GAS2: variants seen among roughly 807,000 people sequenced by gnomAD.
The protein encoded by GAS2 is growth arrest-specific protein 2.
GAS2 carries 20 observed loss-of-function variants against 37.5 expected under a neutral mutation model. The observed-to-expected ratio is 0.53, with a 90% confidence interval of 0.37 to 0.77. The LOEUF is 0.77. Ranked by LOEUF, GAS2 falls within the 30% of genes least tolerant of loss-of-function variation. The pLI is 0.00. For missense variants in GAS2, 336 were observed against 373.4 expected (o/e 0.90, Z 0.82); for synonymous variants, 144 against 132.2 (o/e 1.09, Z -0.61).
At chr11:22,793,548 A>C (rs1235995588) in intron 7 of GAS2, among the ~76,000 whole-genome samples, 1 of 152,178 alleles carries the variant, frequency 6.6e-6, no homozygotes, top group Non-Finnish European at 1.5e-5. Context: ...TATAGAGAAC[A>C]CAATGATGAA....
chr11:22,726,569 A>G, intron 4 of GAS2, 136 bp downstream of exon 4: 1 of 723,486 alleles, frequency 1.4e-6, no homozygotes, highest in Non-Finnish European at 2.3e-6. Context: ...GTTTGTTGAA[A>G]TCTTGCAGGT....
At chr11:22,708,081 T>C (rs149960349) in intron 3 of GAS2, among the ~76,000 whole-genome samples, 54 of 152,132 alleles carry the variant, frequency 3.5e-4, no homozygotes, top group Non-Finnish European at 5.6e-4. Context: ...ATGAGCTAGA[T>C]TGATGATTTA....
At chr11:22,753,972 TTTA>T (rs1853882331) in intron 6 of GAS2, among the ~76,000 whole-genome samples, 1 of 152,068 alleles carries the variant, frequency 6.6e-6, no homozygotes. Context: ...TATATCTTGT[TTTA>T]TTATCATCGT....
chr11:22,789,422 T>TATATAAATATATATATATAAATATATA (rs1564889813), intron 7 of GAS2, among the ~76,000 whole-genome samples: 13 of 42,850 alleles, frequency 3.0e-4, no homozygotes, highest in African/African-American at 1.3e-3. Context: ...GTATCTCATA[T>TATATAAATATATATATATAAATATATA]GAGATATATA....
intron 1 of GAS2, among the ~76,000 whole-genome samples, chr11:22,654,449 G>A (rs929031930): frequency 6.7e-6 from 1 of 149,726 alleles, no homozygotes; most frequent in African/African-American, 2.5e-5. Flanking sequence ...AGGCTGGACT[G>A]CAGTGGTGCA....
intron 7 of GAS2, among the ~76,000 whole-genome samples, chr11:22,763,178 A>G (rs1373054217): frequency 6.6e-6 from 1 of 152,212 alleles, no homozygotes; most frequent in Non-Finnish European, 1.5e-5. Flanking sequence ...ACAGATCAAT[A>G]GAAAGGTCAC....
rs148747617 is a variant in GAS2, at chr11:22,766,971, A to G, written c.723+11018A>G. 5.4e-3 allele frequency among the ~76,000 whole-genome samples: 830 copies of G among 152,320 alleles called. 8 individuals are homozygous for G. Among genetic ancestry groups the G allele is most frequent in the African/African-American group, 0.018 (763 of 41,574 alleles). On this transcript the variant is annotated intron_variant, in intron 7 of 7. Transcript: ENST00000454584. ...TAAACTAAACATATGACCAAGTGCA[A>G]ACTGAAAACGTTGGCATAGCAACTA...
intron 1 of GAS2, among the ~76,000 whole-genome samples, chr11:22,657,667 T>A (rs1490679186): frequency 6.6e-6 from 1 of 152,182 alleles, no homozygotes; most frequent in Non-Finnish European, 1.5e-5. Context: ...TGTTTGCTCC[T>A]GAACAGAAGA....
chr11:22,796,168 A>T (rs1856421317), intron 7 of GAS2, among the ~76,000 whole-genome samples: 1 of 152,148 alleles, frequency 6.6e-6, no homozygotes. Context: ...AGTCACTGGC[A>T]TTGGAAATCT....
intron 1 of GAS2, among the ~76,000 whole-genome samples, chr11:22,633,189 T>C (rs1475021906): frequency 6.6e-6 from 1 of 152,210 alleles, no homozygotes; most frequent in African/African-American, 2.4e-5. Context: ...AGACCATTTC[T>C]TCTAATTACT....
chr11:22,718,271 ATG>A lies in GAS2; in HGVS notation c.268-8020_268-8019del, dbSNP rs77860815. Among the ~76,000 whole-genome samples the A allele has an allele frequency of 3.7e-3, 557 of 151,962 alleles. 2 individuals are homozygous for A. Among genetic ancestry groups the A allele is most frequent in the South Asian group, 6.2e-3 (30 of 4,816 alleles). ...AAGAAAATGTGTCATATATATATAT[ATG>A]GTGTGTGTGTGTATGTGTATGTTTG... On this transcript the variant is annotated intron_variant, in intron 3 of 7. Transcript: ENST00000454584.
At chr11:22,636,407 A>T (rs1312649347) in intron 1 of GAS2, among the ~76,000 whole-genome samples, 5 of 152,162 alleles carry the variant, frequency 3.3e-5, no homozygotes, top group African/African-American at 1.2e-4. Flanking sequence ...AATGCCACAG[A>T]TATAAAATTG....
chr11:22,771,533 G>C (rs1223682580), intron 7 of GAS2, among the ~76,000 whole-genome samples: 1 of 152,100 alleles, frequency 6.6e-6, no homozygotes, highest in African/African-American at 2.4e-5. Context: ...AAGTTAGAGA[G>C]GATGGAAATG....
intron 7 of GAS2, among the ~76,000 whole-genome samples, chr11:22,782,853 G>C (rs1469839176): frequency 6.7e-6 from 1 of 149,834 alleles, no homozygotes; most frequent in African/African-American, 2.5e-5. Flanking sequence ...ACAACTGATG[G>C]CCACCTAGGT....
chr11:22,735,284 A>G (rs527555203), intron 4 of GAS2, among the ~76,000 whole-genome samples: 28 of 149,762 alleles, frequency 1.9e-4, no homozygotes, highest in Non-Finnish European at 3.6e-4. Context: ...CGTATTTGAA[A>G]AACTATTAAC....
chr11:22,749,609 T>C (rs1172438664), intron 6 of GAS2, among the ~76,000 whole-genome samples: 2 of 152,004 alleles, frequency 1.3e-5, no homozygotes, highest in African/African-American at 4.8e-5. Context: ...TCTTGAGGAT[T>C]GTTAAAGAAG....
chr11:22,722,548 T>TGACTG (rs752218220), intron 3 of GAS2, among the ~76,000 whole-genome samples: 18 of 152,062 alleles, frequency 1.2e-4, no homozygotes, highest in Non-Finnish European at 2.2e-4. Flanking sequence ...AGGTTCAGCT[T>TGACTG]GACTGTTTTC....
chr11:22,736,518 G>A (rs1852763635), intron 4 of GAS2, among the ~76,000 whole-genome samples: 1 of 151,880 alleles, frequency 6.6e-6, no homozygotes, highest in Admixed American at 6.6e-5. Flanking sequence ...AAAACCAAAT[G>A]AAATCACACA....
intron 1 of GAS2, among the ~76,000 whole-genome samples, chr11:22,648,083 C>T (rs1191827217): frequency 6.6e-6 from 1 of 152,194 alleles, no homozygotes; most frequent in Non-Finnish European, 1.5e-5. Context: ...TTCAATCCAT[C>T]TTGAATTGAT....
Sources: gnomAD v4.1 joint callset for allele counts (sites outside exome capture counted in the v4.1 genomes callset) on GRCh38, gnomAD v4.1.1 for gene constraint, MANE v1.5 for transcripts, NCBI Gene and HGNC (gene_info 2026-07-23, HGNC 2026-07-21) for gene names.